Variants in FXR1 observed in about 807,000 individuals in gnomAD.
The protein encoded by FXR1 is FMR1 autosomal homolog 1.
Under a neutral mutation model 84.0 loss-of-function variants are expected in FXR1, and 15 were observed. The ratio of observed to expected loss-of-function variants is 0.18; its 90% CI spans 0.12 to 0.27. FXR1 has a LOEUF of 0.27. Among genes scored for constraint, FXR1 ranks in the 10% least tolerant of loss-of-function variants. FXR1 has a pLI of 1.00. For missense variants in FXR1, 480 were observed against 774.4 expected, an observed-to-expected ratio of 0.62 and a Z score of 4.51; for synonymous variants, 245 against 250.7, an observed-to-expected ratio of 0.98 and a Z score of 0.21.
chr3:180,962,552 A>G (rs1712252439), intron 11 of FXR1, among the ~76,000 whole-genome samples: 1 of 152,234 alleles, frequency 6.6e-6, no homozygotes, highest in Non-Finnish European at 1.5e-5. Context: ...CTTGAGGGCA[A>G]AATCTGGTAA....
rs1385570497 is a variant in FXR1 at position 180,919,575 on chromosome 3, C to T, written c.51+6839C>T. ...CTGGGATTACAGGCGTGAGCCACTG[C>T]GCCGGGCCAATAATTTTTTACATTG... On this transcript the variant is annotated intron_variant, in intron 1 of 16. Transcript: ENST00000357559. Among the ~76,000 whole-genome samples the T allele has an allele frequency of 9.4e-4, 143 of 151,802 alleles. 1 individual carries two copies. The highest frequency in any genetic ancestry group is 1.2e-4 in the Non-Finnish European group (8 of 67,946).
At chr3:180,962,483 A>G (rs1205085238) in intron 11 of FXR1, among the ~76,000 whole-genome samples, 2 of 152,232 alleles carry the variant, frequency 1.3e-5, no homozygotes, top group Non-Finnish European at 2.9e-5. Context: ...ATAGGAAAGT[A>G]GCTTGTTAAT....
intron 1 of FXR1, chr3:180,915,492 T>G (rs1279170377): frequency 3.4e-6 from 5 of 1,486,934 alleles, no homozygotes; most frequent in Non-Finnish European, 4.5e-6. Flanking sequence ...TTTAATTAGT[T>G]TTTTTCCAAT....
rs140374490 is a variant in FXR1, at chr3:180,969,495, C to T, written c.1403-663C>T. On this transcript the variant is annotated intron_variant, in intron 14 of 16. Coordinates refer to ENST00000357559, the MANE Select transcript of FXR1 (RefSeq NM_005087.4). ...GTACCTTACAGTTTTTCCTTTTCCA[C>T]CTTCACATCACCTTCCATAATGTTT... Among the ~76,000 whole-genome samples, 83 of 152,282 alleles carry T rather than the reference C, an allele frequency of 5.5e-4. 1 individual carries two copies. The highest frequency in any genetic ancestry group is 1.9e-3 in the African/African-American group (78 of 41,568).
At chr3:180,936,295 TCTCA>T in intron 3 of FXR1, among the ~76,000 whole-genome samples, 1 of 152,132 alleles carries the variant, frequency 6.6e-6, no homozygotes, top group East Asian at 1.9e-4. Flanking sequence ...TGAGATGGAG[TCTCA>T]CTCTGTCGCC....
intron 3 of FXR1, among the ~76,000 whole-genome samples, chr3:180,940,418 A>G (rs1720989065): frequency 6.6e-6 from 1 of 152,186 alleles, no homozygotes; most frequent in African/African-American, 2.4e-5. Context: ...TTGGAAGGGC[A>G]GTAGAAATAT....
chr3:180,931,092 T>A (rs1007633268), intron 1 of FXR1, among the ~76,000 whole-genome samples: 1 of 146,688 alleles, frequency 6.8e-6, no homozygotes, highest in Non-Finnish European at 1.5e-5. Context: ...GGCCAGAAAG[T>A]CATTATTATA....
chr3:180,956,211 A>G (rs527689960), intron 9 of FXR1, among the ~76,000 whole-genome samples: 13 of 152,316 alleles, frequency 8.5e-5, no homozygotes, highest in Admixed American at 8.5e-4. Context: ...AATCAAAGGG[A>G]AAAATATCTG....
intron 1 of FXR1, among the ~76,000 whole-genome samples, chr3:180,920,237 T>C (rs1364005541): frequency 6.6e-6 from 1 of 152,180 alleles, no homozygotes; most frequent in Non-Finnish European, 1.5e-5. Context: ...CTTTTTGTTT[T>C]TACAGTTTTT....
At chr3:180,967,923 A>G in intron 13 of FXR1, 128 bp from the exon 14 acceptor site, 1 of 641,448 alleles carries the variant, frequency 1.6e-6, no homozygotes, top group Non-Finnish European at 2.8e-6. Flanking sequence ...TTTAACTTTC[A>G]TGGATCTTTC....
rs1714425943 is a variant in FXR1, at chr3:180,978,413, TGATA to T, written c.*2122_*2125del. ...AAAAAATATAGGTAGTGCAGAATTGTGATAAATACGCATTTGTTTTTTTAGAGAG... is the reference window on the plus strand; with the variant it reads ...AAAAAATATAGGTAGTGCAGAATTGTAATACGCATTTGTTTTTTTAGAGAG... On this transcript the variant is annotated 3_prime_UTR_variant, in exon 17 of 17. Coordinates refer to ENST00000357559, the MANE Select transcript of FXR1 (RefSeq NM_005087.4). 2 of 152,220 alleles carry T rather than the reference TGATA, an allele frequency of 1.3e-5. No individual in the cohort carries two copies. The highest frequency in any genetic ancestry group is 4.1e-4 in the South Asian group (2 of 4,828). 9.4% of individuals were successfully genotyped at this position (152,220 alleles called of 1,614,324 possible). A position where few individuals can be genotyped will look rare whatever the true frequency, so the allele number is the denominator to read the frequency against.
intron 9 of FXR1, among the ~76,000 whole-genome samples, chr3:180,956,440 A>AG (rs1447756330): frequency 6.6e-6 from 1 of 152,226 alleles, no homozygotes; most frequent in East Asian, 1.9e-4. Context: ...GTTCCTGCCA[A>AG]GGACCCCAGA....
chr3:180,913,967 T>C (rs1312173768), intron 1 of FXR1, among the ~76,000 whole-genome samples: 1 of 152,216 alleles, frequency 6.6e-6, no homozygotes, highest in Non-Finnish European at 1.5e-5. Flanking sequence ...TTTGATTTTC[T>C]TTTCTTAGTT....
rs372727569 is a variant in FXR1 at position 180,943,338 on chromosome 3, G to A, written c.199-4527G>A. ...CATCCAGGCTGGAGGGCAGTGGTGCGATCTTGGCTCACCTCCCAGGTTCAG... is the reference window on the plus strand; with the variant it reads ...CATCCAGGCTGGAGGGCAGTGGTGCAATCTTGGCTCACCTCCCAGGTTCAG... On this transcript the variant is annotated intron_variant, in intron 3 of 16. Transcript: ENST00000357559. 1.1e-4 allele frequency among the ~76,000 whole-genome samples: 15 copies of A among 138,686 alleles called. No homozygotes were observed. The South Asian group carries it at 3.1e-3, about 28-fold the overall frequency. 91.0% of individuals were successfully genotyped at this position (138,686 alleles called of 152,430 possible).
At chr3:180,949,891 A>T (rs182043226) in intron 7 of FXR1, among the ~76,000 whole-genome samples, 144 of 152,332 alleles carry the variant, frequency 9.5e-4, no homozygotes, top group Middle Eastern at 3.4e-3. Context: ...AACTAGGGAT[A>T]CTCAGTAGAC....
At chr3:180,949,428 C>T in intron 7 of FXR1, 85 bp downstream of exon 7, 1 of 783,374 alleles carries the variant, frequency 1.3e-6, no homozygotes, top group Non-Finnish European at 2.3e-6. Context: ...GCTCTGTTGC[C>T]CAGGCTAGAG....
chr3:180,967,195 AAAGC>A (rs1712939165), intron 13 of FXR1, among the ~76,000 whole-genome samples: 1 of 152,182 alleles, frequency 6.6e-6, no homozygotes, highest in African/African-American at 2.4e-5. Flanking sequence ...AAAAGTAAGA[AAAGC>A]AAAAAGTAAA....
Position 180,943,128 on chromosome 3 carries a change from G to A in FXR1, c.199-4737G>A, listed in dbSNP as rs547618720. ...ATTACAGGCACTCGCCACCATGCCC[G>A]GCTAATTTTCGTATTTTTAGTAGAG... On this transcript the variant is annotated intron_variant, in intron 3 of 16. Coordinates refer to ENST00000357559, the MANE Select transcript of FXR1 (RefSeq NM_005087.4). Among the ~76,000 whole-genome samples the A allele has an allele frequency of 7.6e-4, 116 of 151,754 alleles. 1 individual carries two copies. Among genetic ancestry groups the A allele is most frequent in the Middle Eastern group, 3.4e-3 (1 of 292 alleles).
At chr3:180,974,357 G>A (rs1214782944) in intron 15 of FXR1, among the ~76,000 whole-genome samples, 4 of 152,056 alleles carry the variant, frequency 2.6e-5, no homozygotes, top group African/African-American at 9.7e-5. Flanking sequence ...TGGTCAGGCT[G>A]GTCTCGAACT....
Sources: gnomAD v4.1 joint callset for allele counts (sites outside exome capture counted in the v4.1 genomes callset) on GRCh38, gnomAD v4.1.1 for gene constraint, MANE v1.5 for transcripts, NCBI Gene and HGNC (gene_info 2026-07-23, HGNC 2026-07-21) for gene names.